Variants in CCNY observed in about 807,000 individuals in gnomAD.
CCNY encodes cyclin-Y.
A neutral mutation model predicts 42.8 loss-of-function variants in CCNY; 19 were observed. The ratio of observed to expected loss-of-function variants is 0.44; its 90% CI spans 0.31 to 0.65. CCNY has a LOEUF of 0.65. Among genes scored for constraint, CCNY ranks in the 30% least tolerant of loss-of-function variants. CCNY has a pLI of 0.07. For synonymous variants in CCNY, 165 were observed against 162.7 expected (o/e 1.01, Z -0.11); for missense variants, 370 against 437.3 (o/e 0.85, Z 1.37).
intron 3 of CCNY, among the ~76,000 whole-genome samples, chr10:35,309,830 C>T (rs181401192): frequency 3.3e-5 from 5 of 152,178 alleles, no homozygotes; most frequent in African/African-American, 7.2e-5. Context: ...GACAGAGTCT[C>T]GCTCTGTCGC....
intron 2 of CCNY, among the ~76,000 whole-genome samples, chr10:35,498,825 G>A (rs987893719): frequency 3.3e-5 from 5 of 152,182 alleles, no homozygotes; most frequent in Non-Finnish European, 7.3e-5. Flanking sequence ...AAACCATACA[G>A]GAAAGTGGCA....
chr10:35,354,420 A>G (rs2135143208), intron 1 of CCNY, among the ~76,000 whole-genome samples: 1 of 152,196 alleles, frequency 6.6e-6, no homozygotes, highest in South Asian at 2.1e-4. Flanking sequence ...CCTGACCTCA[A>G]GTGATCTGTC....
intron 3 of CCNY, among the ~76,000 whole-genome samples, chr10:35,267,047 A>C: frequency 6.7e-6 from 1 of 148,470 alleles, no homozygotes; most frequent in Admixed American, 6.9e-5. Context: ...GTGCCATTGC[A>C]CTCCAGCCTG....
chr10:35,472,894 T>C (rs751881334), intron 1 of CCNY, among the ~76,000 whole-genome samples: 1 of 152,144 alleles, frequency 6.6e-6, no homozygotes, highest in African/African-American at 2.4e-5. Flanking sequence ...TACCCCAAAG[T>C]AGTATTTCGA....
chr10:35,358,709 A>G (rs1415840871), intron 1 of CCNY, among the ~76,000 whole-genome samples: 1 of 152,206 alleles, frequency 6.6e-6, no homozygotes, highest in Non-Finnish European at 1.5e-5. Context: ...AAAGAAGAAG[A>G]AGGCAAAGAT....
chr10:35,282,648 G>C (rs1028128832), intron 3 of CCNY, among the ~76,000 whole-genome samples: 6 of 150,674 alleles, frequency 4.0e-5, no homozygotes, highest in Admixed American at 2.7e-4. Flanking sequence ...ACTTGAACCT[G>C]GGAGGCAGAG....
chr10:35,285,236 T>C (rs1835339912), intron 3 of CCNY, among the ~76,000 whole-genome samples: 1 of 152,128 alleles, frequency 6.6e-6, no homozygotes, highest in African/African-American at 2.4e-5. Context: ...GGTTTTGCCA[T>C]GTTGGCCAGG....
intron 1 of CCNY, among the ~76,000 whole-genome samples, chr10:35,410,262 A>G (rs1036477891): frequency 6.6e-6 from 1 of 152,218 alleles, no homozygotes; most frequent in African/African-American, 2.4e-5. Context: ...GCACCGAGAA[A>G]GAGAAATGAT....
intron 1 of CCNY, among the ~76,000 whole-genome samples, chr10:35,472,269 G>A (rs1369366933): frequency 1.3e-5 from 2 of 152,108 alleles, no homozygotes; most frequent in East Asian, 3.8e-4. Flanking sequence ...TTTGCCCAAG[G>A]CCATAGAGCT....
chr10:35,552,689 A>G (rs1187404713), intron 7 of CCNY, among the ~76,000 whole-genome samples: 2 of 152,262 alleles, frequency 1.3e-5, no homozygotes, highest in African/African-American at 4.8e-5. Flanking sequence ...TTCTCTATAC[A>G]TTCTCTGTCC....
At chr10:35,472,711 A>G (rs532667544) in intron 1 of CCNY, among the ~76,000 whole-genome samples, 1 of 152,346 alleles carries the variant, frequency 6.6e-6, no homozygotes, top group South Asian at 2.1e-4. Flanking sequence ...CTATCACAGT[A>G]TAATCGTGAA....
At chr10:35,329,219 T>C (rs984186541) in intron 3 of CCNY, among the ~76,000 whole-genome samples, 1 of 152,182 alleles carries the variant, frequency 6.6e-6, no homozygotes, top group African/African-American at 2.4e-5. Flanking sequence ...ATTCCTTTTA[T>C]AGAAATGAGC....
intron 1 of CCNY, among the ~76,000 whole-genome samples, chr10:35,364,960 T>TG (rs1564383630): frequency 6.6e-6 from 1 of 152,252 alleles, no homozygotes; most frequent in Non-Finnish European, 1.5e-5. Flanking sequence ...TATATGCTTT[T>TG]GAAATGAACC....
At chr10:35,465,905 A>AG (rs1839249541) in intron 1 of CCNY, among the ~76,000 whole-genome samples, 1 of 99,220 alleles carries the variant, frequency 1.0e-5, no homozygotes, top group African/African-American at 3.9e-5. Context: ...GGGTAGGGGG[A>AG]AGAGAGAGAG....
upstream of CCNY, among the ~76,000 whole-genome samples, chr10:35,335,281 G>A (rs1835999624): frequency 6.6e-6 from 1 of 152,020 alleles, no homozygotes; most frequent in Non-Finnish European, 1.5e-5. Context: ...TTAGTCAACT[G>A]GCCTAAGTTA....
At chr10:35,353,501 G>A (rs1202028044) in intron 1 of CCNY, among the ~76,000 whole-genome samples, 3 of 152,174 alleles carry the variant, frequency 2.0e-5, no homozygotes, top group Non-Finnish European at 4.4e-5. Context: ...GATAGCCTTC[G>A]TAGAATCACA....
chr10:35,544,020 T>A (rs1261931278), intron 7 of CCNY, among the ~76,000 whole-genome samples: 1 of 152,244 alleles, frequency 6.6e-6, no homozygotes, highest in African/African-American at 2.4e-5. Context: ...TGTTTTTACC[T>A]AAGTGTTATT....
chr10:35,290,222 TCACACACACA>T (rs368209050), intron 3 of CCNY, among the ~76,000 whole-genome samples: 29 of 122,962 alleles, frequency 2.4e-4, no homozygotes, highest in African/African-American at 6.2e-4. Context: ...CAAGACTCCA[TCACACACACA>T]CACACACACA....
At chr10:35,485,412 G>GA (rs1033391916) in intron 2 of CCNY, among the ~76,000 whole-genome samples, 1 of 152,304 alleles carries the variant, frequency 6.6e-6, no homozygotes. Flanking sequence ...TAAATAATTA[G>GA]AAAAAATCAA....
Sources: gnomAD v4.1 joint callset for allele counts (sites outside exome capture counted in the v4.1 genomes callset) on GRCh38, gnomAD v4.1.1 for gene constraint, MANE v1.5 for transcripts, NCBI Gene and HGNC (gene_info 2026-07-23, HGNC 2026-07-21) for gene names.